The following FEZ1 variants were observed in gnomAD, a reference collection of about 807,000 sequenced individuals.
The protein encoded by FEZ1 is fasciculation and elongation protein zeta 1.
A neutral mutation model predicts 49.3 loss-of-function variants in FEZ1; 20 were observed. That is an observed-to-expected ratio of 0.41 (90% CI 0.29 to 0.59). The LOEUF is 0.59. Among genes scored for constraint, FEZ1 ranks in the 20% least tolerant of loss-of-function variants. FEZ1 has a pLI of 0.36. For missense variants in FEZ1, 413 were observed against 476.0 expected (o/e 0.87, Z 1.23); for synonymous variants, 170 against 180.9 (o/e 0.94, Z 0.48).
chr11:125,491,724 G>A (rs541111956), intron 1 of FEZ1, among the ~76,000 whole-genome samples: 2 of 152,310 alleles, frequency 1.3e-5, no homozygotes, highest in South Asian at 4.1e-4. Flanking sequence ...GACATGCCAG[G>A]CAAGAACACT....
chr11:125,445,080 C>T lies in FEZ1; in HGVS notation c.*1015G>A, dbSNP rs961586714. On this transcript the variant is annotated 3_prime_UTR_variant, in exon 10 of 10. Coordinates refer to ENST00000278919, the MANE Select transcript of FEZ1 (RefSeq NM_005103.5). The surrounding 1 kb of genome is among the most constrained non-coding windows in gnomAD (Gnocchi z 4.4). ...AGCCAGCATCCGGGATACGAGGAGA[C>T]CTTCGCCTGCTGGTTGGTCAAGGCT... Among the ~76,000 whole-genome samples the T allele has an allele frequency of 1.3e-5, 2 of 152,178 alleles. No homozygotes were observed. The highest frequency in any genetic ancestry group is 4.8e-5 in the African/African-American group (2 of 41,440).
At chr11:125,493,969 T>A (rs183636572) in intron 1 of FEZ1, among the ~76,000 whole-genome samples, 1,828 of 152,314 alleles carry the variant, frequency 0.012, 33 homozygotes, top group African/African-American at 0.032. Flanking sequence ...GAAAGCACTC[T>A]GCCCAGGCAG....
intron 3 of FEZ1, among the ~76,000 whole-genome samples, chr11:125,475,625 C>T (rs935322874): frequency 2.0e-5 from 3 of 152,008 alleles, no homozygotes; most frequent in African/African-American, 7.2e-5. Context: ...GGAAAAATAA[C>T]CAATGTATAC....
chr11:125,468,989 G>C (rs1478498593), intron 3 of FEZ1: 1 of 152,194 alleles, frequency 6.6e-6, no homozygotes, highest in African/African-American at 2.4e-5. Flanking sequence ...ACCTAAAAGT[G>C]AGGGTGAGGG....
chr11:125,450,841 C>A (rs1421307523), intron 8 of FEZ1, among the ~76,000 whole-genome samples: 1 of 152,082 alleles, frequency 6.6e-6, no homozygotes, highest in Non-Finnish European at 1.5e-5. Flanking sequence ...CTGAAAAGCA[C>A]CAAAATGGTA....
At chr11:125,458,908 A>C (rs1291530184) in intron 5 of FEZ1, among the ~76,000 whole-genome samples, 1 of 152,066 alleles carries the variant, frequency 6.6e-6, no homozygotes, top group African/African-American at 2.4e-5. Context: ...TCTACTAAGA[A>C]TATAAAAATT....
chr11:125,457,479 T>A, intron 5 of FEZ1, among the ~76,000 whole-genome samples: 1 of 58,576 alleles, frequency 1.7e-5, no homozygotes, highest in African/African-American at 5.9e-5. Flanking sequence ...TATGTATATA[T>A]ACACATATAT....
intron 2 of FEZ1, among the ~76,000 whole-genome samples, chr11:125,486,327 G>T (rs184774250): frequency 4.6e-5 from 7 of 152,282 alleles, no homozygotes; most frequent in African/African-American, 1.4e-4. Flanking sequence ...TTTCCATTTT[G>T]TAGTGACCCC....
chr11:125,485,471 C>T (rs1055408993), intron 2 of FEZ1, among the ~76,000 whole-genome samples: 6 of 152,206 alleles, frequency 3.9e-5, no homozygotes, highest in African/African-American at 7.2e-5. Context: ...ATACCTATTT[C>T]TGACAATATG....
rs1294176448 is a variant in FEZ1, at chr11:125,495,519, C to T, written c.-46+602G>A. 1 of 471,138 alleles carries T rather than the reference C, an allele frequency of 2.1e-6. No individual in the cohort carries two copies. The highest frequency in any genetic ancestry group is 2.3e-5 in the Admixed American group (1 of 42,592). The allele number at this position is 471,138 out of a possible 1,614,324, so 29.2% of individuals were successfully genotyped here. On this transcript the variant is annotated intron_variant, in intron 1 of 9. Coordinates refer to ENST00000278919, the MANE Select transcript of FEZ1 (RefSeq NM_005103.5). The surrounding 1 kb of genome is among the most constrained non-coding windows in gnomAD (Gnocchi z 4.2). ...GTCTGTAGTAAAACAATCGCTCTCC[C>T]GGCGTCTGCGGCCGCTGCCAGCGGT...
Position 125,496,247 on chromosome 11 carries a change from G to C in FEZ1, c.-172C>G, listed in dbSNP as rs1565308969. ...AGCCAGCCAGCCAGCCAGCCAGCGA[G>C]CGCTCCCCGCGCAGCTCCGGCGGCG... On this transcript the variant is annotated 5_prime_UTR_variant, in exon 1 of 10. Coordinates refer to ENST00000278919, the MANE Select transcript of FEZ1 (RefSeq NM_005103.5). The C allele has an allele frequency of 6.5e-6, 1 of 152,892 alleles. No individual in the cohort carries two copies. Among genetic ancestry groups the C allele is most frequent in the Non-Finnish European group, 1.5e-5 (1 of 68,764 alleles). 9.5% of individuals were successfully genotyped at this position (152,892 alleles called of 1,614,324 possible).
Position 125,456,105 on chromosome 11 carries a change from C to T in FEZ1, c.669G>A (p.Gly223=). 3 of 1,586,504 alleles carry T rather than the reference C, an allele frequency of 1.9e-6. No individual in the cohort carries two copies. The highest frequency in any genetic ancestry group is 1.8e-5 in the Admixed American group (1 of 56,598). The change falls in exon 6 of 10, where the codon GGG becomes GGA. Residue 223 remains glycine (G), a splice_region_variant and synonymous_variant. Transcript: ENST00000278919. ...QTFNNNWSYE[G]LRHMSGSELT... ...GCTCAGACCCAGACATGTGCCTCAG[C>T]CCTGCAGGGGAAGACCGTCTCCCGC... is the stretch of plus-strand genomic sequence containing the variant.
chr11:125,488,633 T>C (rs994061189), intron 2 of FEZ1: 19 of 798,600 alleles, frequency 2.4e-5, no homozygotes, highest in South Asian at 1.1e-4. Context: ...TGAGCCAAAA[T>C]TGTGCCATTG....
Position 125,445,699 on chromosome 11 carries a change from G to C in FEZ1, c.*396C>G, listed in dbSNP as rs1390522011. The C allele has an allele frequency of 3.0e-6, 1 of 338,472 alleles. No homozygotes were observed. Among genetic ancestry groups the C allele is most frequent in the Non-Finnish European group, 5.8e-6 (1 of 171,670 alleles). The allele number at this position is 338,472 out of a possible 1,614,324, so 21.0% of individuals were successfully genotyped here. On this transcript the variant is annotated 3_prime_UTR_variant, in exon 10 of 10. Transcript: ENST00000278919. This position sits in a 1 kb window ranked among gnomAD's most constrained non-coding sequence, Gnocchi z 4.4. Reference sequence around the variant, plus strand: ...AAGAATGCTATACAGCCCGTCTCTGGAGTCTGGAGCAGAGGGCTAATGGAC... The same window carrying C: ...AAGAATGCTATACAGCCCGTCTCTGCAGTCTGGAGCAGAGGGCTAATGGAC...
intron 7 of FEZ1, chr11:125,453,928 CA>C (rs34707154): frequency 0.37 from 91,438 of 244,584 alleles, 6,054 homozygotes; most frequent in Admixed American, 0.47. Context: ...CACTAGAGCT[CA>C]AAAAAAAAAA....
At chr11:125,466,841 T>C (rs1274949245) in intron 3 of FEZ1, among the ~76,000 whole-genome samples, 1 of 152,184 alleles carries the variant, frequency 6.6e-6, no homozygotes, top group Admixed American at 6.6e-5. Context: ...TATTAAAGTG[T>C]TTCAAATGAC....
intron 4 of FEZ1, among the ~76,000 whole-genome samples, chr11:125,462,560 C>T (rs1049758667): frequency 2.0e-4 from 30 of 152,290 alleles, no homozygotes; most frequent in African/African-American, 7.0e-4. Flanking sequence ...GAAGGCTTAG[C>T]AGGATTGTAG....
intron 3 of FEZ1, among the ~76,000 whole-genome samples, chr11:125,467,537 GC>G (rs1957142496): frequency 6.6e-6 from 1 of 152,190 alleles, no homozygotes; most frequent in South Asian, 2.1e-4. Flanking sequence ...AGGTAACTTA[GC>G]TATTTAGTCA....
intron 3 of FEZ1, among the ~76,000 whole-genome samples, chr11:125,473,709 C>T (rs536984523): frequency 6.6e-6 from 1 of 151,746 alleles, no homozygotes; most frequent in East Asian, 2.0e-4. Context: ...ATCCCAGCTA[C>T]TCAGGAGGCA....
Sources: gnomAD v4.1 joint callset for allele counts (sites outside exome capture counted in the v4.1 genomes callset) on GRCh38, gnomAD v4.1.1 for gene constraint, Gnocchi (gnomAD v3.1) non-coding constraint, MANE v1.5 for transcripts, NCBI Gene and HGNC (gene_info 2026-07-23, HGNC 2026-07-21) for gene names.